Variants in PNISR observed in about 807,000 individuals in gnomAD.
The protein encoded by PNISR is arginine/serine-rich protein PNISR.
PNISR carries 20 observed loss-of-function variants against 93.4 expected under a neutral mutation model. The observed-to-expected ratio is 0.21, with a 90% CI of 0.15 to 0.31. The LOEUF (loss-of-function observed/expected upper bound fraction) is 0.31. Among genes scored for constraint, PNISR ranks in the 10% least tolerant of loss-of-function variants. The pLI is 1.00. For missense variants in PNISR, 893 were observed against 985.4 expected (o/e 0.91, Z 1.25); for synonymous variants, 305 against 306.5 (o/e 0.99, Z 0.05).
Position 99,410,836 on chromosome 6 carries a change from G to T in PNISR, c.406C>A (p.Pro136Thr), listed in dbSNP as rs1354251360. The T allele has an allele frequency of 6.2e-7, 1 of 1,614,038 alleles. No individual in the cohort carries two copies. The highest frequency in any genetic ancestry group is 1.1e-5 in the South Asian group (1 of 91,074). ...SNSQDSGEFA[P>T]DNRHIFNQNN... The stretch of plus-strand genomic sequence containing the variant: ...TGGTTAAATATATGCCTGTTGTCAG[G>T]GGCAAATTCCCCACTGTCCTGACTG... Residue 136 changes from proline (P) to threonine (T), a missense_variant, in exon 5 of 12, where the codon CCT (proline) becomes ACT (threonine). Physicochemically the swap from Pro to Thr is conservative, Grantham distance 38 (BLOSUM62 -1). Transcript: ENST00000369239.
chr6:99,412,402 T>G (rs1777058296), intron 4 of PNISR, 149 bp downstream of exon 4: 2 of 715,296 alleles, frequency 2.8e-6, no homozygotes, highest in Admixed American at 2.0e-5. Context: ...AACCACAAAA[T>G]GTCAAAGTCA....
In PNISR at chr6:99,409,452, C is replaced by T. The variant is rs1776607735; in HGVS notation, c.502-108G>A. On this transcript the variant is annotated intron_variant, in intron 5 of 11. Coordinates refer to ENST00000369239, the MANE Select transcript of PNISR (RefSeq NM_032870.4). ...GTAGAAATCCATGTGTGCAGCACAT[C>T]CAAGAATTCCATGGCTCTAATATCC... 6 of 890,624 alleles carry T rather than the reference C, an allele frequency of 6.7e-6. No individual in the cohort carries two copies. The Admixed American group carries it at 8.4e-5, about 12-fold the overall frequency. 55.2% of individuals were successfully genotyped at this position (890,624 alleles called of 1,614,324 possible). A position where few individuals can be genotyped will look rare whatever the true frequency, so the allele number is the denominator to read the frequency against.
chr6:99,422,263 C>T (rs1778664662), intron 1 of PNISR, among the ~76,000 whole-genome samples: 1 of 152,132 alleles, frequency 6.6e-6, no homozygotes, highest in African/African-American at 2.4e-5. Flanking sequence ...TGAGCATCAA[C>T]TACAAAATCA....
chr6:99,410,611 T>C (rs1776787353), intron 5 of PNISR, 130 bp downstream of exon 5: 2 of 592,516 alleles, frequency 3.4e-6, no homozygotes, highest in East Asian at 5.6e-5. Flanking sequence ...AATTGATAAC[T>C]GAGACAGAAT....
intron 7 of PNISR, among the ~76,000 whole-genome samples, chr6:99,406,604 G>A (rs529083335): frequency 2.0e-4 from 30 of 152,168 alleles, no homozygotes; most frequent in African/African-American, 6.5e-4. Flanking sequence ...AAAGTTGCAC[G>A]ACTTAAAATG....
In PNISR at chr6:99,409,149, CACTAA is replaced by C. The variant is rs772279307; in HGVS notation, c.673+19_673+23del. On this transcript the variant is annotated intron_variant, in intron 6 of 11. Coordinates refer to ENST00000369239, the MANE Select transcript of PNISR (RefSeq NM_032870.4). The stretch of plus-strand genomic sequence containing the variant: ...TAAAAAAGTCATGCCAATTGTGGTC[CACTAA>C]ACTAAGTTAAATAGCTACCAATTTG... 5 of 1,596,184 alleles carry C rather than the reference CACTAA, an allele frequency of 3.1e-6. No individual in the cohort carries two copies. The South Asian group carries it at 4.4e-5, about 14-fold the overall frequency.
chr6:99,408,138 C>T lies in PNISR; in HGVS notation c.807G>A (p.Lys269=). 1.9e-6 allele frequency: 3 copies of T among 1,612,222 alleles called. No individual in the cohort carries two copies. The highest frequency in any genetic ancestry group is 2.5e-6 in the Non-Finnish European group (3 of 1,179,428). The change falls in exon 7 of 12, where the codon AAG becomes AAA. Residue 269 remains lysine, a synonymous_variant. Transcript: ENST00000369239. ...CCCCTCCTTCAGCATCTTCTGTGGC[C>T]TTTTTTTCTTTTTTGGACAATTGTG... ...QRSQLSKKEK[K]ATEDAEGGDG...
In PNISR at chr6:99,398,905, T is replaced by C. The variant is rs935527096; in HGVS notation, c.*1635A>G. 1 of 152,108 alleles carries C rather than the reference T, an allele frequency of 6.6e-6. No homozygotes were observed. Among genetic ancestry groups the C allele is most frequent in the Non-Finnish European group, 1.5e-5 (1 of 67,936 alleles). 9.4% of individuals were successfully genotyped at this position (152,108 alleles called of 1,614,324 possible). On this transcript the variant is annotated 3_prime_UTR_variant, in exon 12 of 12. Transcript: ENST00000369239. The stretch of plus-strand genomic sequence containing the variant: ...AAGTTATTCTGTGAAATGTCATCTT[T>C]ATAAATATCAGAACTAAATGCACTG...
At position 99,412,547 on chromosome 6, in the gene PNISR, A is replaced by C. The variant is rs1562248135; in HGVS notation, c.277+4T>G. 3 of 1,571,706 alleles carry C rather than the reference A, an allele frequency of 1.9e-6. No homozygotes were observed. Among genetic ancestry groups the C allele is most frequent in the Non-Finnish European group, 2.6e-6 (3 of 1,160,086 alleles). On this transcript the variant is annotated splice_donor_region_variant and intron_variant, in intron 4 of 11. Transcript: ENST00000369239. Reference sequence around the variant, plus strand: ...TTAAAATTGTGAAAACATAAACAACAAACCTGGTTGCCACATTCTGTTGAA... The same window carrying C: ...TTAAAATTGTGAAAACATAAACAACCAACCTGGTTGCCACATTCTGTTGAA...
intron 3 of PNISR, among the ~76,000 whole-genome samples, chr6:99,413,776 T>C (rs1366636255): frequency 3.6e-5 from 2 of 55,868 alleles, no homozygotes; most frequent in African/African-American, 5.2e-5. Flanking sequence ...TTAATGAAGA[T>C]TAAATAGGTA....
At chr6:99,418,702 T>A (rs1416774692) in intron 1 of PNISR, among the ~76,000 whole-genome samples, 1 of 152,132 alleles carries the variant, frequency 6.6e-6, no homozygotes, top group Non-Finnish European at 1.5e-5. Flanking sequence ...AGAATAAAAA[T>A]ACAGTAAAGA....
intron 9 of PNISR, chr6:99,404,118 T>C (rs1775846639): frequency 6.1e-6 from 3 of 490,344 alleles, no homozygotes; most frequent in Middle Eastern, 1.1e-3. Flanking sequence ...TATATCTGTA[T>C]GTCTACTTCT....
In PNISR at chr6:99,401,122, A is replaced by C. The variant is rs369239036; in HGVS notation, c.1836T>G (p.Pro612=). 11 of 1,613,852 alleles carry C rather than the reference A, an allele frequency of 6.8e-6. No individual in the cohort carries two copies. The highest frequency in any genetic ancestry group is 9.3e-6 in the Non-Finnish European group (11 of 1,180,018). ...IERERRRNRS[P]SRERRRSRSR... is the part of the protein sequence containing the mutation. ...TTCTACTTCTACGTCTCTCTCGGGA[A>C]GGACTCCGATTTCGTCGTCTTTCTC... The change falls in exon 12 of 12, where the codon CCT becomes CCG. Residue 612 remains proline, a synonymous_variant. Coordinates refer to ENST00000369239, the MANE Select transcript of PNISR (RefSeq NM_032870.4).
In PNISR at chr6:99,419,890, C is replaced by CTTT. The variant is rs67572715; in HGVS notation, c.-111-3465_-111-3463dup. Among the ~76,000 whole-genome samples, 404 of 146,252 alleles carry CTTT rather than the reference C, an allele frequency of 2.8e-3. 3 individuals are homozygous for CTTT. The highest frequency in any genetic ancestry group is 4.8e-3 in the Non-Finnish European group (321 of 66,288). On this transcript the variant is annotated intron_variant, in intron 1 of 11. Coordinates refer to ENST00000369239, the MANE Select transcript of PNISR (RefSeq NM_032870.4). The stretch of plus-strand genomic sequence containing the variant: ...GTAATTTTCTATACATAACTGCATT[C>CTTT]TTTTTTTTTTTTGAGATGGAGTCTC...
chr6:99,419,073 C>G (rs1385005693), intron 1 of PNISR, among the ~76,000 whole-genome samples: 1 of 142,064 alleles, frequency 7.0e-6, no homozygotes, highest in Non-Finnish European at 1.5e-5. Context: ...CTGCTTGAAC[C>G]CGGGAGGTGG....
chr6:99,407,148 C>T (rs910411336), intron 7 of PNISR, among the ~76,000 whole-genome samples: 4 of 151,604 alleles, frequency 2.6e-5, no homozygotes, highest in South Asian at 4.2e-4. Context: ...GGTGAAACCC[C>T]GTCTCTACGA....
At position 99,398,172 on chromosome 6, in the gene PNISR, T is replaced by C. The variant is rs1449280516; in HGVS notation, c.*2368A>G. 1 of 152,198 alleles carries C rather than the reference T, an allele frequency of 6.6e-6. No individual in the cohort carries two copies. Among genetic ancestry groups the C allele is most frequent in the African/African-American group, 2.4e-5 (1 of 41,468 alleles). 9.4% of individuals were successfully genotyped at this position (152,198 alleles called of 1,614,324 possible). ...TACCCCCACTCCACAAAAACAATTA[T>C]GACTAATACACTAGAAATATTTTTT... is the stretch of plus-strand genomic sequence containing the variant. On this transcript the variant is annotated 3_prime_UTR_variant, in exon 12 of 12. Transcript: ENST00000369239.
Position 99,412,555 on chromosome 6 carries a change from T to C in PNISR, c.273A>G (p.Gln91=), listed in dbSNP as rs750743888. 14 of 1,579,886 alleles carry C rather than the reference T, an allele frequency of 8.9e-6. No homozygotes were observed. Among genetic ancestry groups the C allele is most frequent in the African/African-American group, 5.5e-5 (4 of 73,362 alleles). Residue 91 remains glutamine (Q), a synonymous_variant, in exon 4 of 12, where the codon CAA becomes CAG. Transcript: ENST00000369239. Reference sequence around the variant, plus strand: ...GTGAAAACATAAACAACAAACCTGGTTGCCACATTCTGTTGAAGTTTGAAT... The same window carrying C: ...GTGAAAACATAAACAACAAACCTGGCTGCCACATTCTGTTGAAGTTTGAAT... ...QGDSNFNRMW[Q]PEWGMHQQPP...
At chr6:99,424,945 A>C (rs943372160) in intron 1 of PNISR, 5 of 312,468 alleles carry the variant, frequency 1.6e-5, no homozygotes, top group Admixed American at 5.0e-5. Context: ...TCAGGAACCC[A>C]ACAATTAGTC....
Sources: gnomAD v4.1 joint callset for allele counts (sites outside exome capture counted in the v4.1 genomes callset) on GRCh38, gnomAD v4.1.1 for gene constraint, MANE v1.5 for transcripts, NCBI Gene and HGNC (gene_info 2026-07-23, HGNC 2026-07-21) for gene names.